Variants in NAF1 observed in about 807,000 individuals in gnomAD.
The protein encoded by NAF1 is nuclear assembly factor 1 ribonucleoprotein.
In NAF1, 11 loss-of-function variants were observed where a neutral mutation model predicts 40.6. That is an observed-to-expected ratio of 0.27 (90% CI 0.17 to 0.45). The LOEUF is 0.45. Among genes scored for constraint, NAF1 ranks in the 20% least tolerant of loss-of-function variants. The pLI is 1.00. For synonymous variants in NAF1, 260 were observed against 228.5 expected (o/e 1.14, Z -1.24); for missense variants, 607 against 611.1 (o/e 0.99, Z 0.07).
Position 163,166,497 on chromosome 4 carries a change from C to G in NAF1, c.231G>C (p.Gly77=). 1.9e-6 allele frequency: 3 copies of G among 1,598,620 alleles called. No individual in the cohort carries two copies. The South Asian group carries it at 3.3e-5, about 18-fold the overall frequency. ...GTGGCTGTGGCTGCGGCGCCGGGGTCCCGGCCGCGACGGCGTTCAGAACGG... is the reference window on the plus strand; with the variant it reads ...GTGGCTGTGGCTGCGGCGCCGGGGTGCCGGCCGCGACGGCGTTCAGAACGG... ...LQPVLNAVAA[G]TPAPQPQPPA... Residue 77 remains glycine, a synonymous_variant, in exon 1 of 8, where the codon GGG becomes GGC. Coordinates refer to ENST00000274054, the MANE Select transcript of NAF1 (RefSeq NM_138386.3).
At chr4:163,142,937 T>C (rs1285282258) in intron 4 of NAF1, among the ~76,000 whole-genome samples, 2 of 152,104 alleles carry the variant, frequency 1.3e-5, no homozygotes, top group Admixed American at 1.3e-4. Flanking sequence ...CCACCCAACT[T>C]AGGGGATTCT....
At chr4:163,132,488 C>T (rs530283672) in intron 7 of NAF1, among the ~76,000 whole-genome samples, 7 of 152,304 alleles carry the variant, frequency 4.6e-5, no homozygotes, top group Admixed American at 2.0e-4. Context: ...CAGTGTATAA[C>T]TTCACTTATA....
chr4:163,127,556 C>T (rs555746949), downstream of NAF1, among the ~76,000 whole-genome samples: 1 of 152,324 alleles, frequency 6.6e-6, no homozygotes, highest in African/African-American at 2.4e-5. Context: ...GATATAATCT[C>T]ATGAACTCTT....
Position 163,166,859 on chromosome 4 carries a change from AGGTAACTACACGC to A in NAF1, c.-145_-133del. The stretch of plus-strand genomic sequence containing the variant: ...CTGGGCCCAACTTCCCGCGTTTCTC[AGGTAACTACACGC>A]GGAGGAGCCAAAAGACACGCCCCCG... On this transcript the variant is annotated 5_prime_UTR_variant, in exon 1 of 8. Transcript: ENST00000274054. 1 of 1,236,256 alleles carries A rather than the reference AGGTAACTACACGC, an allele frequency of 8.1e-7. No homozygotes were observed. 76.6% of individuals were successfully genotyped at this position (1,236,256 alleles called of 1,614,324 possible).
Position 163,115,983 on chromosome 4 carries a change from C to T in NAF1, c.115-5693G>A, listed in dbSNP as rs140922710. ...CATGTATACTAATATCATCATGACA[C>T]TAAATTGCCTCTTGAAGCAAAATTG... On this transcript the variant is annotated intron_variant, in intron 2 of 2. Transcript: ENST00000509434. Among the ~76,000 whole-genome samples, 16 of 152,294 alleles carry T rather than the reference C, an allele frequency of 1.1e-4. No individual in the cohort carries two copies. In the East Asian group the frequency reaches 3.1e-3, roughly 29 times the overall value.
At chr4:163,112,894 G>GA (rs1213538731) in intron 2 of NAF1, among the ~76,000 whole-genome samples, 1 of 152,250 alleles carries the variant, frequency 6.6e-6, no homozygotes, top group East Asian at 1.9e-4. Flanking sequence ...AATGGACTAG[G>GA]AAAAAAATAT....
intron 2 of NAF1, chr4:163,119,286 A>G (rs1730445372): frequency 6.6e-6 from 1 of 152,204 alleles, no homozygotes; most frequent in African/African-American, 2.4e-5. Context: ...TAAAATAGGG[A>G]CAGACCATTA....
chr4:163,146,427 T>C (rs1295559569), intron 3 of NAF1, among the ~76,000 whole-genome samples: 1 of 152,130 alleles, frequency 6.6e-6, no homozygotes, highest in African/African-American at 2.4e-5. Context: ...TCTCCAAATC[T>C]CCAGTTCTTT....
chr4:163,138,105 T>C (rs1468372496), intron 5 of NAF1, among the ~76,000 whole-genome samples: 1 of 152,162 alleles, frequency 6.6e-6, no homozygotes, highest in Non-Finnish European at 1.5e-5. Flanking sequence ...ATGTCCTTAT[T>C]GTTTTAAACT....
In NAF1 at chr4:163,137,196, T is replaced by C; in HGVS notation, c.930+3A>G. On this transcript the variant is annotated splice_donor_region_variant and intron_variant, in intron 6 of 7. Coordinates refer to ENST00000274054, the MANE Select transcript of NAF1 (RefSeq NM_138386.3). ...AATGTTGCATAAAAAGACTTATACT[T>C]ACCTCTGGTGGTGGTTCCTGATCAT... is the stretch of plus-strand genomic sequence containing the variant. 2 of 1,612,510 alleles carry C rather than the reference T, an allele frequency of 1.2e-6. No individual in the cohort carries two copies. Among genetic ancestry groups the C allele is most frequent in the Non-Finnish European group, 1.7e-6 (2 of 1,178,762 alleles).
At chr4:163,115,370 G>A (rs551592080) in intron 2 of NAF1, among the ~76,000 whole-genome samples, 14 of 151,972 alleles carry the variant, frequency 9.2e-5, no homozygotes, top group African/African-American at 3.4e-4. Context: ...CACCGCGCCA[G>A]GCTAATTTTT....
chr4:163,107,876 T>C (rs1730073699), downstream of NAF1, among the ~76,000 whole-genome samples: 1 of 152,196 alleles, frequency 6.6e-6, no homozygotes, highest in African/African-American at 2.4e-5. Flanking sequence ...GTGCTTAATA[T>C]TGTACATTAA....
chr4:163,112,502 A>G (rs1730193332), intron 2 of NAF1, among the ~76,000 whole-genome samples: 1 of 152,158 alleles, frequency 6.6e-6, no homozygotes, highest in Non-Finnish European at 1.5e-5. Context: ...TGCTTGGCAA[A>G]GCTTAACCAA....
intron 2 of NAF1, among the ~76,000 whole-genome samples, chr4:163,161,481 A>G (rs79648781): frequency 1.4e-5 from 2 of 145,918 alleles, no homozygotes; most frequent in Non-Finnish European, 3.0e-5. Context: ...CCCCCTCACC[A>G]AAAAAAAAAA....
chr4:163,128,769 A>G lies in NAF1; in HGVS notation c.*128T>C, dbSNP rs1214657374. ...AAAGGTTACAAATATATATCAACTT[A>G]CAACAGAAGGAATCATTTAGTATTT... On this transcript the variant is annotated 3_prime_UTR_variant, in exon 8 of 8. Coordinates refer to ENST00000274054, the MANE Select transcript of NAF1 (RefSeq NM_138386.3). 3 of 1,247,264 alleles carry G rather than the reference A, an allele frequency of 2.4e-6. No homozygotes were observed. Among genetic ancestry groups the G allele is most frequent in the Admixed American group, 3.0e-5 (1 of 33,470 alleles). 77.3% of individuals were successfully genotyped at this position (1,247,264 alleles called of 1,614,324 possible). A position where few individuals can be genotyped will look rare whatever the true frequency, so the allele number is the denominator to read the frequency against.
At chr4:163,125,183 C>T (rs530347420), downstream of NAF1, among the ~76,000 whole-genome samples, 15 of 152,274 alleles carry the variant, frequency 9.9e-5, no homozygotes, top group East Asian at 2.9e-3. Context: ...TGAAATTAAA[C>T]CAATCACTAG....
At chr4:163,125,191 T>G (rs1198327076), downstream of NAF1, among the ~76,000 whole-genome samples, 1 of 152,188 alleles carries the variant, frequency 6.6e-6, no homozygotes, top group Non-Finnish European at 1.5e-5. Flanking sequence ...AACCAATCAC[T>G]AGCCGTATAA....
rs538862285 is a variant in NAF1, at chr4:163,148,547, G to C, written c.541-113C>G. The C allele has an allele frequency of 1.8e-4, 124 of 694,246 alleles. No homozygotes were observed. The African/African-American group carries it at 2.1e-3, about 12-fold the overall frequency. The allele number at this position is 694,246 out of a possible 1,614,324, so 43.0% of individuals were successfully genotyped here. ...TCTCTGAAAATGCTTTAAGTGCTTA[G>C]AGCATCTCTTTAATGTTATCATTTT... is the stretch of plus-strand genomic sequence containing the variant. On this transcript the variant is annotated intron_variant, in intron 2 of 7. Coordinates refer to ENST00000274054, the MANE Select transcript of NAF1 (RefSeq NM_138386.3).
chr4:163,158,051 G>A (rs542404776), intron 2 of NAF1, among the ~76,000 whole-genome samples: 7 of 152,184 alleles, frequency 4.6e-5, no homozygotes, highest in African/African-American at 1.7e-4. Flanking sequence ...TCACAAATAT[G>A]GAAAAAGGAC....
Sources: allele counts gnomAD v4.1 joint callset (sites outside exome capture counted in the v4.1 genomes callset), GRCh38; gene constraint gnomAD v4.1.1; transcripts MANE v1.5; gene names NCBI Gene and HGNC (gene_info 2026-07-23, HGNC 2026-07-21).